Variants in NAV2 observed in about 807,000 individuals in gnomAD.
NAV2 encodes the protein helicase, APC down-regulated 1.
A neutral mutation model predicts 223.2 loss-of-function variants in NAV2; 54 were observed. The observed-to-expected ratio is 0.24, with a 90% confidence interval of 0.19 to 0.30. The LOEUF (loss-of-function observed/expected upper bound fraction) is 0.30, where lower values mean the gene tolerates loss of function less well. Among genes scored for constraint, NAV2 ranks in the 10% least tolerant of loss-of-function variants. The pLI, the probability that NAV2 is intolerant of heterozygous loss-of-function variation, is 1.00. For missense variants in NAV2, 2,806 were observed against 3,147.5 expected, an observed-to-expected ratio of 0.89 and a Z score of 2.60; for synonymous variants, 1,279 against 1,239.3, an observed-to-expected ratio of 1.03 and a Z score of -0.67.
At chr11:19,964,342 G>T (rs756660738) in intron 10 of NAV2, among the ~76,000 whole-genome samples, 1 of 152,124 alleles carries the variant, frequency 6.6e-6, no homozygotes, top group Admixed American at 6.5e-5. Context: ...GGCCCTCAGG[G>T]TACAAAGAAC....
At chr11:20,065,745 G>A (rs1489789238) in intron 20 of NAV2, among the ~76,000 whole-genome samples, 1 of 152,214 alleles carries the variant, frequency 6.6e-6, no homozygotes, top group Non-Finnish European at 1.5e-5. Flanking sequence ...AGGGCCTGTC[G>A]ATAGAAGTGT....
chr11:19,666,651 C>T (rs1174973542), intron 1 of NAV2, among the ~76,000 whole-genome samples: 1 of 152,210 alleles, frequency 6.6e-6, no homozygotes, highest in Non-Finnish European at 1.5e-5. Flanking sequence ...CTGTCTTTGC[C>T]TCCTCCTTAC....
Position 19,518,676 on chromosome 11 carries a change from T to A in NAV2, c.75+167649T>A, listed in dbSNP as rs2043541803. 2.0e-5 allele frequency: 3 copies of A among 152,350 alleles called. No homozygotes were observed. In the South Asian group the frequency reaches 6.2e-4, roughly 32 times the overall value. 9.4% of individuals were successfully genotyped at this position (152,350 alleles called of 1,614,324 possible). On this transcript the variant is annotated intron_variant, in intron 1 of 37. Transcript: ENST00000360655. ...TATTAGTTGTTTAACATTCCTCTCA[T>A]CTGATAAATGAAAGCAGAGATCACA...
intron 1 of NAV2, among the ~76,000 whole-genome samples, chr11:19,530,623 G>A (rs1009095296): frequency 6.6e-6 from 1 of 152,224 alleles, no homozygotes; most frequent in African/African-American, 2.4e-5. Context: ...TTCTGTCTGA[G>A]TTCACCTGCC....
At chr11:19,791,348 GC>G (rs1313249613) in intron 1 of NAV2, among the ~76,000 whole-genome samples, 2 of 152,056 alleles carry the variant, frequency 1.3e-5, no homozygotes, top group East Asian at 3.9e-4. Context: ...TATCCAGCCC[GC>G]CCCTTGTACT....
chr11:19,752,435 A>G (rs1439147028), intron 1 of NAV2, among the ~76,000 whole-genome samples: 1 of 152,232 alleles, frequency 6.6e-6, no homozygotes, highest in Non-Finnish European at 1.5e-5. Flanking sequence ...CAAAAATCTT[A>G]TAGAAAATGT....
chr11:19,444,481 T>C (rs1851512754), intron 1 of NAV2, among the ~76,000 whole-genome samples: 1 of 152,170 alleles, frequency 6.6e-6, no homozygotes. Context: ...AAAATGTTCT[T>C]GCTGTGGTTT....
At chr11:19,991,421 A>G (rs890157524) in intron 11 of NAV2, among the ~76,000 whole-genome samples, 3 of 152,134 alleles carry the variant, frequency 2.0e-5, no homozygotes, top group Admixed American at 2.0e-4. Flanking sequence ...CACTGTGCCA[A>G]GCCTCCAAGA....
At chr11:19,859,895 G>T (rs1220915358) in intron 3 of NAV2, among the ~76,000 whole-genome samples, 2 of 135,830 alleles carry the variant, frequency 1.5e-5, no homozygotes, top group Non-Finnish European at 3.2e-5. Context: ...CCTCCCGGAC[G>T]GGGCGGCTGG....
At position 19,681,054 on chromosome 11, in the gene NAV2, G is replaced by C. The variant is rs116313048; in HGVS notation, c.76-151430G>C. Among the ~76,000 whole-genome samples the C allele has an allele frequency of 8.5e-3, 1,301 of 152,298 alleles. 8 individuals carry two copies. Among genetic ancestry groups the C allele is most frequent in the African/African-American group, 0.03 (1,230 of 41,572 alleles). On this transcript the variant is annotated intron_variant, in intron 1 of 37. Transcript: ENST00000360655. ...AATCATCACAAACCCCTTTGGGGTAGGTATTATCATTATCCCCACTTACAG... is the reference window on the plus strand; with the variant it reads ...AATCATCACAAACCCCTTTGGGGTACGTATTATCATTATCCCCACTTACAG...
chr11:19,852,943 GTC>G (rs138660146), intron 3 of NAV2, among the ~76,000 whole-genome samples: 454 of 152,326 alleles, frequency 3.0e-3, no homozygotes, highest in Non-Finnish European at 5.3e-3. Flanking sequence ...GTGGGATTCA[GTC>G]TCTTCTCTCA....
chr11:20,049,114 C>T lies in NAV2; in HGVS notation c.4289C>T (p.Thr1430Ile), dbSNP rs767615828. ...GGGGTCCCCAGCCACAATTCTTCCACTGGCCTCATCGCCTCCTCCAAGGAC... is the reference window on the plus strand; with the variant it reads ...GGGGTCCCCAGCCACAATTCTTCCATTGGCCTCATCGCCTCCTCCAAGGAC... ...SGGVPSHNSS[T>I]GLIASSKDDS... The change falls in exon 15 of 38, where the codon ACT becomes ATT. Residue 1430 changes from threonine to isoleucine, a missense_variant. By Grantham distance (89) the Thr-to-Ile change is moderately conservative (BLOSUM62 -1). This residue lies in a region of NAV2 where 742 missense variants were observed against 777.9 expected (regional missense o/e 0.95). Coordinates refer to ENST00000349880, the MANE Select transcript of NAV2 (RefSeq NM_145117.5). The T allele has an allele frequency of 6.8e-6, 11 of 1,614,040 alleles. No individual in the cohort carries two copies. The highest frequency in any genetic ancestry group is 8.5e-6 in the Non-Finnish European group (10 of 1,180,034).
At chr11:19,702,967 TA>T (rs927953463) in intron 1 of NAV2, among the ~76,000 whole-genome samples, 4 of 151,204 alleles carry the variant, frequency 2.6e-5, no homozygotes, top group African/African-American at 9.7e-5. Flanking sequence ...TAATAGTCCC[TA>T]ATTTACCCCT....
chr11:19,835,756 T>G (rs1252971837), intron 2 of NAV2, among the ~76,000 whole-genome samples: 2 of 151,204 alleles, frequency 1.3e-5, no homozygotes, highest in Non-Finnish European at 2.9e-5. Context: ...TTTATATATA[T>G]CTACATAAAA....
rs1210360020 is a variant in NAV2 at position 19,423,959 on chromosome 11, C to T, written c.75+72932C>T. Among the ~76,000 whole-genome samples, 6 of 152,298 alleles carry T rather than the reference C, an allele frequency of 3.9e-5. No individual in the cohort carries two copies. In the East Asian group the frequency reaches 1.2e-3, roughly 29 times the overall value. On this transcript the variant is annotated intron_variant, in intron 1 of 37. Transcript: ENST00000360655. ...TGAAATCTCTTTAGATCCAAGCCCA[C>T]TCCCCAAAGATGACATGTTAATGAA...
chr11:19,455,349 A>G (rs1307503956), intron 1 of NAV2, among the ~76,000 whole-genome samples: 2 of 152,234 alleles, frequency 1.3e-5, no homozygotes, highest in African/African-American at 4.8e-5. Context: ...CCTAGCACCT[A>G]GAACCACAAG....
At chr11:20,032,573 T>C (rs2055886083) in intron 11 of NAV2, among the ~76,000 whole-genome samples, 2 of 152,196 alleles carry the variant, frequency 1.3e-5, no homozygotes, top group Admixed American at 6.5e-5. Context: ...AAATTTTAGA[T>C]ACATTAAATT....
chr11:20,032,335 C>T (rs1311929770), intron 11 of NAV2, among the ~76,000 whole-genome samples: 1 of 152,160 alleles, frequency 6.6e-6, no homozygotes, highest in Non-Finnish European at 1.5e-5. Context: ...AGGGTAAGCA[C>T]GCAGTGCTCC....
chr11:19,790,185 G>A (rs764226359), intron 1 of NAV2, among the ~76,000 whole-genome samples: 4 of 152,158 alleles, frequency 2.6e-5, no homozygotes, highest in Non-Finnish European at 5.9e-5. Flanking sequence ...GGCCTGGTCA[G>A]TAACCTCAGC....
Sources: gnomAD v4.1 joint callset for allele counts (sites outside exome capture counted in the v4.1 genomes callset) on GRCh38, gnomAD v4.1.1 for gene constraint, gnomAD v4.1.1 regional missense constraint, MANE v1.5 for transcripts, NCBI Gene and HGNC (gene_info 2026-07-23, HGNC 2026-07-21) for gene names.